Variants in CCDC150 observed in about 807,000 individuals in gnomAD.
The protein encoded by CCDC150 is coiled-coil domain containing 150.
A neutral mutation model predicts 156.5 loss-of-function variants in CCDC150; 151 were observed. That is an observed-to-expected ratio of 0.97 (90% confidence interval 0.85 to 1.10). CCDC150 has a LOEUF of 1.10. Among genes scored for constraint, CCDC150 ranks in the 50% least tolerant of loss-of-function variants. CCDC150 has a pLI of 0.00. For missense variants in CCDC150, 1,312 were observed against 1,268.1 expected (o/e 1.03, Z -0.53); for synonymous variants, 452 against 429.4 (o/e 1.05, Z -0.65).
intron 2 of CCDC150, among the ~76,000 whole-genome samples, chr2:196,651,224 T>G (rs1692854564): frequency 6.6e-6 from 1 of 152,240 alleles, no homozygotes; most frequent in Non-Finnish European, 1.5e-5. Context: ...AATTACATGT[T>G]TTTATAATGT....
intron 8 of CCDC150, among the ~76,000 whole-genome samples, chr2:196,671,452 C>T (rs545548106): frequency 6.9e-4 from 69 of 99,718 alleles, no homozygotes; most frequent in African/African-American, 4.3e-4. Flanking sequence ...TTTTTTGAGA[C>T]GGAGTCTCAC....
intron 12 of CCDC150, 59 bp downstream of exon 12, chr2:196,676,790 G>A (rs2125617003): frequency 2.8e-6 from 4 of 1,417,074 alleles, no homozygotes; most frequent in Non-Finnish European, 2.9e-6. Context: ...TTTTAAAATT[G>A]CATTCTAAAT....
chr2:196,671,099 G>T (rs1167475453), intron 8 of CCDC150, among the ~76,000 whole-genome samples: 1 of 152,068 alleles, frequency 6.6e-6, no homozygotes, highest in Non-Finnish European at 1.5e-5. Flanking sequence ...TTCACTCTTG[G>T]TGTTGTGCAT....
At chr2:196,721,466 G>T in intron 20 of CCDC150, 56 bp from the exon 21 acceptor site, 2 of 1,377,936 alleles carry the variant, frequency 1.5e-6, no homozygotes, top group Non-Finnish European at 2.0e-6. Context: ...ACAGTGTTAT[G>T]GACTTCTTGC....
intron 14 of CCDC150, among the ~76,000 whole-genome samples, chr2:196,696,402 C>T (rs753011784): frequency 6.6e-6 from 1 of 152,184 alleles, no homozygotes; most frequent in Non-Finnish European, 1.5e-5. Flanking sequence ...AAAGATTCAG[C>T]CATGTCCTTT....
At chr2:196,643,654 T>A (rs987960112) in intron 1 of CCDC150, among the ~76,000 whole-genome samples, 2 of 152,250 alleles carry the variant, frequency 1.3e-5, no homozygotes, top group African/African-American at 4.8e-5. Flanking sequence ...AAAGACAGAC[T>A]TTTGCAATAT....
intron 13 of CCDC150, among the ~76,000 whole-genome samples, chr2:196,678,750 A>G (rs1331948412): frequency 6.6e-6 from 1 of 152,102 alleles, no homozygotes; most frequent in East Asian, 1.9e-4. Flanking sequence ...TAAAAATACA[A>G]AAAAAATTAA....
intron 9 of CCDC150, among the ~76,000 whole-genome samples, chr2:196,673,236 C>T (rs1380233753): frequency 6.6e-6 from 1 of 152,038 alleles, no homozygotes; most frequent in Non-Finnish European, 1.5e-5. Context: ...TCACAATAGC[C>T]CTATGAAATG....
intron 1 of CCDC150, among the ~76,000 whole-genome samples, chr2:196,642,348 G>C (rs1164387697): frequency 6.6e-6 from 1 of 152,296 alleles, no homozygotes; most frequent in South Asian, 2.1e-4. Flanking sequence ...GTGGCCATTG[G>C]AGAGTGTGCG....
Position 196,695,172 on chromosome 2 carries a change from A to AT in CCDC150, c.1623+13_1623+14insT. Reference sequence around the variant, plus strand: ...TGATTACCATGGGGTGGGTATAAAAAGATCAGTCTAAATAGCAATTAATGA... The same window carrying AT: ...TGATTACCATGGGGTGGGTATAAAAATGATCAGTCTAAATAGCAATTAATGA... On this transcript the variant is annotated intron_variant, in intron 14 of 27. Transcript: ENST00000389175. 6.9e-7 allele frequency: 1 copy of AT among 1,440,910 alleles called. No homozygotes were observed. Among genetic ancestry groups the AT allele is most frequent in the South Asian group, 1.2e-5 (1 of 86,354 alleles). 89.3% of individuals were successfully genotyped at this position (1,440,910 alleles called of 1,614,324 possible). A position where few individuals can be genotyped will look rare whatever the true frequency, so the allele number is the denominator to read the frequency against.
intron 15 of CCDC150, among the ~76,000 whole-genome samples, chr2:196,702,251 G>A (rs13016978): frequency 6.6e-6 from 1 of 151,492 alleles, no homozygotes; most frequent in Non-Finnish European, 1.5e-5. Context: ...CCTGTCTCTA[G>A]AAAAAAATGA....
intron 1 of CCDC150, among the ~76,000 whole-genome samples, chr2:196,644,592 G>A (rs1402554282): frequency 3.3e-5 from 5 of 151,788 alleles, no homozygotes; most frequent in Non-Finnish European, 7.4e-5. Context: ...GCCCCACTTC[G>A]AATATTTTGC....
At chr2:196,693,643 T>C (rs1300320151) in intron 13 of CCDC150, among the ~76,000 whole-genome samples, 2 of 152,194 alleles carry the variant, frequency 1.3e-5, no homozygotes, top group Non-Finnish European at 2.9e-5. Flanking sequence ...TTATGTTTTC[T>C]TGCCTTATCG....
At chr2:196,713,474 G>A (rs1422711741) in intron 17 of CCDC150, 10 of 1,550,786 alleles carry the variant, frequency 6.4e-6, no homozygotes, top group Non-Finnish European at 7.0e-6. Context: ...TTTGCCTAGT[G>A]TTATTCCAAA....
chr2:196,639,869 C>T (rs993682158), intron 1 of CCDC150, 91 bp downstream of exon 1: 2 of 1,156,524 alleles, frequency 1.7e-6, no homozygotes. Context: ...CCCTGGCGCC[C>T]TCTCCCTGTC....
At chr2:196,661,846 C>G (rs1005128531) in intron 5 of CCDC150, among the ~76,000 whole-genome samples, 2 of 152,158 alleles carry the variant, frequency 1.3e-5, no homozygotes, top group Admixed American at 1.3e-4. Context: ...AGGAAAATGT[C>G]TCTTTTTAAA....
chr2:196,676,658 T>C lies in CCDC150; in HGVS notation c.1367T>C (p.Leu456Ser), dbSNP rs376232036. ...KELLESTIARLRGELEASMQE... is the reference protein window; with the variant it reads ...KELLESTIARSRGELEASMQE... ...CTGCTAGAATCAACTATTGCAAGATTGCGAGGTGAATTGGAAGCATCAATG... is the reference window on the plus strand; with the variant it reads ...CTGCTAGAATCAACTATTGCAAGATCGCGAGGTGAATTGGAAGCATCAATG... The change falls in exon 12 of 28, where the codon TTG becomes TCG. Residue 456 changes from leucine to serine, a missense_variant. Physicochemically the swap from Leu to Ser is moderately radical, Grantham distance 145 (BLOSUM62 -2). Transcript: ENST00000389175. The C allele has an allele frequency of 6.2e-6, 10 of 1,613,678 alleles. No individual in the cohort carries two copies. In the African/African-American group the frequency reaches 1.3e-4, roughly 22 times the overall value.
At chr2:196,720,021 A>C (rs2125705095) in intron 19 of CCDC150, among the ~76,000 whole-genome samples, 1 of 152,280 alleles carries the variant, frequency 6.6e-6, no homozygotes, top group African/African-American at 2.4e-5. Context: ...CTAAGTACAT[A>C]CTTTAGTTTG....
Position 196,658,859 on chromosome 2 carries a change from A to C in CCDC150, c.644A>C (p.Glu215Ala), listed in dbSNP as rs113426918. 310 of 1,596,196 alleles carry C rather than the reference A, an allele frequency of 1.9e-4. No individual in the cohort carries two copies. The African/African-American group carries it at 3.7e-3, about 19-fold the overall frequency. The stretch of plus-strand genomic sequence containing the variant: ...CGTAAAATGAACCTTAAAATTCAAG[A>C]GGTAAGACAAAAAGATGGAGGGTGG... ...TKRKMNLKIQ[E>A]LRRQLAQEKY... Residue 215 changes from glutamate (E) to alanine (A), a missense_variant and splice_region_variant, in exon 5 of 28, where the codon GAG (glutamate) becomes GCG (alanine). Glu to Ala is a moderately radical substitution (Grantham distance 107). Coordinates refer to ENST00000389175, the MANE Select transcript of CCDC150 (RefSeq NM_001080539.2).
Sources: gnomAD v4.1 joint callset for allele counts (sites outside exome capture counted in the v4.1 genomes callset) on GRCh38, gnomAD v4.1.1 for gene constraint, MANE v1.5 for transcripts, NCBI Gene and HGNC (gene_info 2026-07-23, HGNC 2026-07-21) for gene names.